Variants in DNAJC3 observed in about 807,000 individuals in gnomAD.
DNAJC3 encodes DnaJ heat shock protein family (Hsp40) member C3.
A neutral mutation model predicts 68.6 loss-of-function variants in DNAJC3; 38 were observed. The observed-to-expected ratio is 0.55, with a 90% CI of 0.43 to 0.73. The LOEUF (loss-of-function observed/expected upper bound fraction) is 0.73, where lower values mean the gene tolerates loss of function less well. Ranked by LOEUF, DNAJC3 falls within the 30% of genes least tolerant of loss-of-function variation. The pLI is 0.00. For missense variants in DNAJC3, 526 were observed against 591.9 expected (o/e 0.89, Z 1.16); for synonymous variants, 203 against 204.0 (o/e 1.00, Z 0.04).
chr13:95,782,680 G>C (rs1157368617), intron 9 of DNAJC3, among the ~76,000 whole-genome samples: 1 of 152,160 alleles, frequency 6.6e-6, no homozygotes, highest in Admixed American at 6.5e-5. Context: ...TAAGTTCCCT[G>C]TGGATTCTGG....
At chr13:95,783,970 G>A (rs902576211) in intron 9 of DNAJC3, among the ~76,000 whole-genome samples, 5 of 152,080 alleles carry the variant, frequency 3.3e-5, no homozygotes, top group Non-Finnish European at 5.9e-5. Flanking sequence ...GCTTCTTCCC[G>A]AGGCTCCACC....
At position 95,677,330 on chromosome 13, in the gene DNAJC3, G is replaced by A; in HGVS notation, c.75G>A (p.Gln25=). 6.3e-7 allele frequency: 1 copy of A among 1,598,406 alleles called. No individual in the cohort carries two copies. ...FPFLLVLVDL[Q]YEGAECGVNA... is the part of the protein sequence containing the mutation. ...TCCTGCTAGTCCTGGTGGATCTGCAGTACGAAGGTGAGTCCTGCCCTGCCC... is the reference window on the plus strand; with the variant it reads ...TCCTGCTAGTCCTGGTGGATCTGCAATACGAAGGTGAGTCCTGCCCTGCCC... The change falls in exon 1 of 12, where the codon CAG becomes CAA. Residue 25 remains glutamine (Q), a synonymous_variant. Coordinates refer to ENST00000602402, the MANE Select transcript of DNAJC3 (RefSeq NM_006260.5).
intron 4 of DNAJC3, among the ~76,000 whole-genome samples, chr13:95,738,709 A>T (rs1314711572): frequency 6.6e-6 from 1 of 152,010 alleles, no homozygotes; most frequent in Non-Finnish European, 1.5e-5. Flanking sequence ...TTTTGGGCTT[A>T]TGTGTGTCTC....
intron 2 of DNAJC3, among the ~76,000 whole-genome samples, chr13:95,713,361 T>C (rs1469910445): frequency 6.6e-6 from 1 of 151,972 alleles, no homozygotes; most frequent in East Asian, 1.9e-4. Flanking sequence ...AACATACTTT[T>C]GTAGCAACAG....
At position 95,792,938 on chromosome 13, in the gene DNAJC3, A is replaced by T. The variant is rs971524159; in HGVS notation, c.*1908A>T. The T allele has an allele frequency of 2.0e-5, 3 of 152,210 alleles. No individual in the cohort carries two copies. Among genetic ancestry groups the T allele is most frequent in the Non-Finnish European group, 4.4e-5 (3 of 68,052 alleles). The allele number at this position is 152,210 out of a possible 1,614,324, so 9.4% of individuals were successfully genotyped here. On this transcript the variant is annotated 3_prime_UTR_variant, in exon 12 of 12. Transcript: ENST00000602402. ...GAGTCAGAAAAAAAAGGAAATATCA[A>T]ATCACTTGCCTTTCCACTTGGAGAG...
At position 95,790,958 on chromosome 13, in the gene DNAJC3, CTGGAACTCA is replaced by C; in HGVS notation, c.1447_1455del (p.Asn483_Trp485del). On this transcript the variant is annotated inframe_deletion, in exon 12 of 12. Transcript: ENST00000602402. ...GCGGCGGCAACCCTTTCCACAGAAGCTGGAACTCATGGCAAGGGTTCAATCCCTTCAGCT... is the reference window on the plus strand; with the variant it reads ...GCGGCGGCAACCCTTTCCACAGAAGCTGGCAAGGGTTCAATCCCTTCAGCT... The C allele has an allele frequency of 6.2e-7, 1 of 1,612,512 alleles. No individual in the cohort carries two copies. The highest frequency in any genetic ancestry group is 8.5e-7 in the Non-Finnish European group (1 of 1,179,658).
intron 4 of DNAJC3, among the ~76,000 whole-genome samples, chr13:95,740,435 TCA>T (rs1566493567): frequency 2.0e-5 from 3 of 152,126 alleles, no homozygotes; most frequent in Non-Finnish European, 4.4e-5. Flanking sequence ...CAGTTTGATC[TCA>T]GACTGCTGTG....
At position 95,787,153 on chromosome 13, in the gene DNAJC3, C is replaced by G. The variant is rs545428697; in HGVS notation, c.1355C>G (p.Pro452Arg). The G allele has an allele frequency of 2.5e-6, 4 of 1,609,024 alleles. No individual in the cohort carries two copies. The highest frequency in any genetic ancestry group is 1.3e-5 in the African/African-American group (1 of 74,432). ...IAAAKEVLSD[P>R]EMRKKFDDGE... The stretch of plus-strand genomic sequence containing the variant: ...GCTGCTAAAGAAGTCCTCTCTGATC[C>G]AGGTATTATTAGCTTTTATTCCTTT... Residue 452 changes from proline (P) to arginine (R), a missense_variant and splice_region_variant, in exon 11 of 12, where the codon CCA (proline) becomes CGA (arginine). Transcript: ENST00000602402.
chr13:95,725,220 C>G lies in DNAJC3; in HGVS notation c.361C>G (p.Leu121Val), dbSNP rs1226556031. Residue 121 changes from leucine (L) to valine (V), a missense_variant, in exon 4 of 12, where the codon CTT becomes GTT. By Grantham distance (32) the Leu-to-Val change is conservative. Coordinates refer to ENST00000602402, the MANE Select transcript of DNAJC3 (RefSeq NM_006260.5). ...TCACTTATTACTCAAACAAGGAAAA[C>G]TTGATGAAGCAGAAGATGATTTTAA... ...RGHLLLKQGK[L>V]DEAEDDFKKV... 1 of 1,595,074 alleles carries G rather than the reference C, an allele frequency of 6.3e-7. No homozygotes were observed. The highest frequency in any genetic ancestry group is 1.4e-5 in the African/African-American group (1 of 74,058).
At chr13:95,679,040 G>A (rs541207225) in intron 1 of DNAJC3, among the ~76,000 whole-genome samples, 2 of 152,108 alleles carry the variant, frequency 1.3e-5, no homozygotes, top group Non-Finnish European at 2.9e-5. Flanking sequence ...ACGAAAGCGT[G>A]TGGTATTCAT....
intron 1 of DNAJC3, among the ~76,000 whole-genome samples, chr13:95,688,260 T>G (rs536881601): frequency 7.9e-5 from 12 of 152,286 alleles, no homozygotes; most frequent in Admixed American, 4.6e-4. Context: ...TTTGGATGCC[T>G]TTTATTTCTT....
intron 4 of DNAJC3, among the ~76,000 whole-genome samples, chr13:95,732,624 G>A (rs1000071109): frequency 2.0e-5 from 3 of 151,672 alleles, no homozygotes; most frequent in Non-Finnish European, 2.9e-5. Flanking sequence ...TCGTAAAACC[G>A]ACTTTTTGTT....
At position 95,786,018 on chromosome 13, in the gene DNAJC3, A is replaced by G. The variant is rs1883591653; in HGVS notation, c.1155A>G (p.Arg385=). 5 of 1,612,004 alleles carry G rather than the reference A, an allele frequency of 3.1e-6. No homozygotes were observed. The highest frequency in any genetic ancestry group is 2.2e-5 in the East Asian group (1 of 44,762). Residue 385 remains arginine (R), a synonymous_variant, in exon 10 of 12, where the codon AGA becomes AGG. Transcript: ENST00000602402. The part of the protein sequence containing the change: ...QIREGLEKAQ[R]LLKQSQKRDY... ...GAGAAGGTCTAGAGAAAGCACAAAGATTATTGAAACAGTCGCAGAAACGAG... is the reference window on the plus strand; with the variant it reads ...GAGAAGGTCTAGAGAAAGCACAAAGGTTATTGAAACAGTCGCAGAAACGAG...
At chr13:95,768,467 T>C (rs1194709795) in intron 9 of DNAJC3, among the ~76,000 whole-genome samples, 1 of 152,200 alleles carries the variant, frequency 6.6e-6, no homozygotes, top group Non-Finnish European at 1.5e-5. Flanking sequence ...GAAGTGTTAC[T>C]AGTAATATCA....
intron 2 of DNAJC3, 65 bp from the exon 3 acceptor site, chr13:95,723,177 T>G: frequency 2.7e-6 from 4 of 1,459,992 alleles, no homozygotes; most frequent in Non-Finnish European, 3.7e-6. Flanking sequence ...TCCAGGTGAT[T>G]TGTTTTTTTT....
Position 95,791,180 on chromosome 13 carries a change from C to T in DNAJC3, c.*150C>T, listed in dbSNP as rs558179934. 2.2e-6 allele frequency: 2 copies of T among 897,132 alleles called. 1 individual carries two copies. Among genetic ancestry groups the T allele is most frequent in the Admixed American group, 5.6e-5 (2 of 35,516 alleles). The allele number at this position is 897,132 out of a possible 1,614,324, so 55.6% of individuals were successfully genotyped here. A position where few individuals can be genotyped will look rare whatever the true frequency, so the allele number is the denominator to read the frequency against. On this transcript the variant is annotated 3_prime_UTR_variant, in exon 12 of 12. Transcript: ENST00000602402. ...AATAGGAAAAAATCTGTTCTTATCC[C>T]TGTCAGATTTATGGTTAATGGGTTT... is the stretch of plus-strand genomic sequence containing the variant.
chr13:95,728,226 A>G (rs1379496558), intron 4 of DNAJC3, among the ~76,000 whole-genome samples: 1 of 152,178 alleles, frequency 6.6e-6, no homozygotes, highest in South Asian at 2.1e-4. Flanking sequence ...AATGTCCAGG[A>G]GTGCAGTTAC....
At chr13:95,741,368 G>C (rs1244921553) in intron 4 of DNAJC3, among the ~76,000 whole-genome samples, 1 of 152,226 alleles carries the variant, frequency 6.6e-6, no homozygotes, top group Admixed American at 6.5e-5. Context: ...CAGTGGCTTA[G>C]GGTGCAGTTG....
chr13:95,760,021 A>C lies in DNAJC3; in HGVS notation c.547-19A>C. ...CATAATTTATTCTTTCTTAAAGTCT[A>C]GTTCTTTTGTTCCTCAAGGTTTGTG... On this transcript the variant is annotated intron_variant, in intron 5 of 11. Transcript: ENST00000602402. 6.4e-7 allele frequency: 1 copy of C among 1,555,442 alleles called. No homozygotes were observed. The highest frequency in any genetic ancestry group is 8.7e-7 in the Non-Finnish European group (1 of 1,151,756).
Sources: gnomAD v4.1 joint callset for allele counts (sites outside exome capture counted in the v4.1 genomes callset) on GRCh38, gnomAD v4.1.1 for gene constraint, MANE v1.5 for transcripts, NCBI Gene and HGNC (gene_info 2026-07-23, HGNC 2026-07-21) for gene names.